Variants in TADA3 observed in about 807,000 individuals in gnomAD.
The protein encoded by TADA3 is transcriptional adapter 3.
A neutral mutation model predicts 43.2 loss-of-function variants in TADA3; 25 were observed. The observed-to-expected ratio is 0.58, with a 90% CI of 0.42 to 0.81. The LOEUF (loss-of-function observed/expected upper bound fraction) is 0.81, where lower values mean the gene tolerates loss of function less well. Ranked by LOEUF, TADA3 falls within the 30% of genes least tolerant of loss-of-function variation. The pLI is 0.00. For synonymous variants in TADA3, 235 were observed against 225.5 expected (o/e 1.04, Z -0.38); for missense variants, 441 against 567.8 (o/e 0.78, Z 2.27).
intron 6 of TADA3, 138 bp downstream of exon 6, chr3:9,786,868 T>C (rs370566450): frequency 3.1e-5 from 22 of 705,450 alleles, no homozygotes; most frequent in African/African-American, 2.5e-4. Flanking sequence ...TTGCTATATA[T>C]TAGTCCAGGT....
In TADA3 at chr3:9,784,177, C is replaced by T; in HGVS notation, c.957G>A (p.Lys319=). The T allele has an allele frequency of 6.2e-7, 1 of 1,613,980 alleles. No homozygotes were observed. The highest frequency in any genetic ancestry group is 8.5e-7 in the Non-Finnish European group (1 of 1,179,874). Residue 319 remains lysine (K), a synonymous_variant, in exon 8 of 9, where the codon AAG becomes AAA. Transcript: ENST00000301964. The part of the protein sequence containing the change: ...PHTKSLESRI[K]EELIAQGLLE... Reference sequence around the variant, plus strand: ...AAAGGCCCTGGGCAATTAGCTCCTCCTTGATGCGGCTCTCCAGGGACTTAG... The same window carrying T: ...AAAGGCCCTGGGCAATTAGCTCCTCTTTGATGCGGCTCTCCAGGGACTTAG...
At position 9,790,591 on chromosome 3, in the gene TADA3, C is replaced by T. The variant is rs75660181; in HGVS notation, c.208-628G>A. Among the ~76,000 whole-genome samples, 1,455 of 152,282 alleles carry T rather than the reference C, an allele frequency of 9.6e-3. 32 individuals carry two copies. The highest frequency in any genetic ancestry group is 0.034 in the African/African-American group (1,401 of 41,552). On this transcript the variant is annotated intron_variant, in intron 2 of 8. Coordinates refer to ENST00000301964, the MANE Select transcript of TADA3 (RefSeq NM_006354.5). ...CTCTATTTTGCAGAATACAGCATAG[C>T]GCCTGGCACACAAGGCTCAAGGCAT...
At chr3:9,788,007 G>T (rs1055530604) in intron 4 of TADA3, 6 of 303,260 alleles carry the variant, frequency 2.0e-5, no homozygotes, top group Admixed American at 9.4e-5. Context: ...AATGAAGAGG[G>T]ATATGGCCGA....
chr3:9,791,575 A>C, intron 1 of TADA3, 82 bp from the exon 2 acceptor site: 1 of 809,984 alleles, frequency 1.2e-6, no homozygotes, highest in Non-Finnish European at 1.9e-6. Context: ...GACAGCCTCA[A>C]GGAAGCCCAG....
In TADA3 at chr3:9,784,088, C is replaced by T; in HGVS notation, c.1046G>A (p.Arg349Gln). The T allele has an allele frequency of 1.2e-6, 2 of 1,614,188 alleles. No individual in the cohort carries two copies. Among genetic ancestry groups the T allele is most frequent in the Non-Finnish European group, 1.7e-6 (2 of 1,180,014 alleles). ...EDEVLAELRK[R>Q]QAELKALSAH... ...ACTAAGTGCCTTCAGCTCAGCCTGCCGTTTGCGAAGCTCAGCAAGGACCTC... is the reference window on the plus strand; with the variant it reads ...ACTAAGTGCCTTCAGCTCAGCCTGCTGTTTGCGAAGCTCAGCAAGGACCTC... Residue 349 changes from arginine to glutamine, a missense_variant, in exon 8 of 9, where the codon CGG becomes CAG. Arg to Gln is a conservative substitution (Grantham distance 43, BLOSUM62 1). Transcript: ENST00000301964.
chr3:9,790,250 C>G (rs992255896), intron 2 of TADA3, among the ~76,000 whole-genome samples: 2 of 152,186 alleles, frequency 1.3e-5, no homozygotes, highest in African/African-American at 4.8e-5. Flanking sequence ...ACAGAAGAGT[C>G]CTCTCAGCAA....
chr3:9,783,898 T>C (rs1041915335), intron 8 of TADA3, 130 bp downstream of exon 8: 13 of 1,410,776 alleles, frequency 9.2e-6, no homozygotes, highest in South Asian at 3.1e-5. Context: ...GCTGTTTTTT[T>C]CGAGGCTCTC....
chr3:9,781,312 A>C (rs974260462), intron 8 of TADA3, among the ~76,000 whole-genome samples: 5 of 151,100 alleles, frequency 3.3e-5, no homozygotes, highest in Admixed American at 1.3e-4. Flanking sequence ...CACACACACA[A>C]ACACACACAC....
intron 4 of TADA3, chr3:9,787,841 G>A: frequency 3.1e-6 from 2 of 639,898 alleles, no homozygotes; most frequent in Middle Eastern, 3.0e-4. Context: ...GAGTGCTTTG[G>A]TGGAGGTAAC....
rs1432955792 is a variant in TADA3, at chr3:9,791,504, C to G, written c.-27-11G>C. 9.8e-6 allele frequency: 15 copies of G among 1,523,312 alleles called. No homozygotes were observed. The highest frequency in any genetic ancestry group is 1.3e-5 in the Non-Finnish European group (15 of 1,116,390). 94.4% of individuals were successfully genotyped at this position (1,523,312 alleles called of 1,614,324 possible). A position where few individuals can be genotyped will look rare whatever the true frequency, so the allele number is the denominator to read the frequency against. On this transcript the variant is annotated splice_polypyrimidine_tract_variant and intron_variant, in intron 1 of 8. Transcript: ENST00000301964. ...GGGGATCCTGTGGAGCTGGAGAGGA[C>G]AGGGCCATTGATGGGAGACAAAGTG...
In TADA3 at chr3:9,780,509, G is replaced by A. The variant is rs1460467112; in HGVS notation, c.1147C>T (p.Arg383Trp). 7 of 1,607,108 alleles carry A rather than the reference G, an allele frequency of 4.4e-6. No individual in the cohort carries two copies. The highest frequency in any genetic ancestry group is 1.1e-5 in the South Asian group (1 of 91,028). Residue 383 changes from arginine (R) to tryptophan (W), a missense_variant, in exon 9 of 9, where the codon CGG (arginine) becomes TGG (tryptophan). By Grantham distance (101) the Arg-to-Trp change is moderately radical. Transcript: ENST00000301964. ...EEVSRQELRQ[R>W]VRMADNEVMD... ...ACCTCGTTGTCAGCCATGCGCACCC[G>A]CTGCCTCAGCTCCTGCCGGCTCACC... is the stretch of plus-strand genomic sequence containing the variant.
intron 4 of TADA3, among the ~76,000 whole-genome samples, chr3:9,788,844 T>TA (rs2078676277): frequency 6.6e-6 from 1 of 151,660 alleles, no homozygotes; most frequent in Admixed American, 6.6e-5. Flanking sequence ...ATATCTTTTT[T>TA]TTTTTTTTGG....
At chr3:9,783,270 G>A (rs1486006338) in intron 8 of TADA3, 1 of 151,460 alleles carries the variant, frequency 6.6e-6, no homozygotes, top group African/African-American at 2.4e-5. Context: ...TGTGAATATG[G>A]GTAACACTAC....
rs987182415 is a variant in TADA3, at chr3:9,790,038, T to C, written c.208-75A>G. 19 of 1,490,828 alleles carry C rather than the reference T, an allele frequency of 1.3e-5. No individual in the cohort carries two copies. In the Admixed American group the frequency reaches 4.1e-4, roughly 32 times the overall value. 92.3% of individuals were successfully genotyped at this position (1,490,828 alleles called of 1,614,324 possible). A position where few individuals can be genotyped will look rare whatever the true frequency, so the allele number is the denominator to read the frequency against. On this transcript the variant is annotated intron_variant, in intron 2 of 8. Transcript: ENST00000301964. ...TATCTCTTTCCTCTAGTGAATAAAT[T>C]AGGATCTAGAATCTACAGAGGCTCC...
At position 9,787,115 on chromosome 3, in the gene TADA3, CG is replaced by C. The variant is rs2078632344; in HGVS notation, c.707-7del. The C allele has an allele frequency of 6.2e-7, 1 of 1,614,150 alleles. No individual in the cohort carries two copies. Among genetic ancestry groups the C allele is most frequent in the Non-Finnish European group, 8.5e-7 (1 of 1,180,030 alleles). ...CTTCAGCAGGGCATCCACATCTAAG[CG>C]GGCACAGGAAAGGAGGGGAGGTGGG... On this transcript the variant is annotated splice_polypyrimidine_tract_variant and splice_region_variant and intron_variant, in intron 5 of 8. Coordinates refer to ENST00000301964, the MANE Select transcript of TADA3 (RefSeq NM_006354.5).
In TADA3 at chr3:9,787,348, A is replaced by G; in HGVS notation, c.565-8T>C. On this transcript the variant is annotated splice_region_variant and splice_polypyrimidine_tract_variant and intron_variant, in intron 4 of 8. Coordinates refer to ENST00000301964, the MANE Select transcript of TADA3 (RefSeq NM_006354.5). Reference sequence around the variant, plus strand: ...CTTCCCCAGGGGTGGGATCTGTGGAAAAGATGGCACCCAACCCTGAGTGGG... The same window carrying G: ...CTTCCCCAGGGGTGGGATCTGTGGAGAAGATGGCACCCAACCCTGAGTGGG... The G allele has an allele frequency of 6.2e-7, 1 of 1,603,804 alleles. No individual in the cohort carries two copies. The highest frequency in any genetic ancestry group is 8.5e-7 in the Non-Finnish European group (1 of 1,175,566).
Position 9,784,000 on chromosome 3 carries a change from C to T in TADA3, c.1106+28G>A, listed in dbSNP as rs746699534. ...TGGCCACAGCCTCCAAGGCCACCCC[C>T]GGGACTGTGCATCCTGCTAACGCTC... On this transcript the variant is annotated intron_variant, in intron 8 of 8. Coordinates refer to ENST00000301964, the MANE Select transcript of TADA3 (RefSeq NM_006354.5). The T allele has an allele frequency of 1.6e-5, 25 of 1,601,310 alleles. No individual in the cohort carries two copies. The East Asian group carries it at 1.6e-4, about 10-fold the overall frequency.
At chr3:9,783,266 T>C (rs938363692) in intron 8 of TADA3, 2 of 151,618 alleles carry the variant, frequency 1.3e-5, no homozygotes, top group African/African-American at 2.4e-5. Flanking sequence ...ACAATGTGAA[T>C]ATGGGTAACA....
At position 9,791,423 on chromosome 3, in the gene TADA3, T is replaced by G; in HGVS notation, c.44A>C (p.Lys15Thr). ...ACAGACCTTCAGGTGATCCACAGAC[T>G]TGAAGTCGTGGAACTGCAAGGGGCA... is the stretch of plus-strand genomic sequence containing the variant. Reference protein sequence around the residue: ...KDCPLQFHDFKSVDHLKVCPR... With the variant: ...KDCPLQFHDFTSVDHLKVCPR... Residue 15 changes from lysine (K) to threonine (T), a missense_variant, in exon 2 of 9, where the codon AAG (lysine) becomes ACG (threonine). By Grantham distance (78) the Lys-to-Thr change is moderately conservative (BLOSUM62 -1). Coordinates refer to ENST00000301964, the MANE Select transcript of TADA3 (RefSeq NM_006354.5). 2 of 1,613,954 alleles carry G rather than the reference T, an allele frequency of 1.2e-6. No homozygotes were observed. Among genetic ancestry groups the G allele is most frequent in the Non-Finnish European group, 1.7e-6 (2 of 1,179,834 alleles).
Sources: allele counts gnomAD v4.1 joint callset (sites outside exome capture counted in the v4.1 genomes callset), GRCh38; gene constraint gnomAD v4.1.1; transcripts MANE v1.5; gene names NCBI Gene and HGNC (gene_info 2026-07-23, HGNC 2026-07-21).